KANK2: variants seen among roughly 807,000 people sequenced by gnomAD.
The protein encoded by KANK2 is KN motif and ankyrin repeat domains 2, also known as KN motif and ankyrin repeat domain-containing protein 2.
In KANK2, 41 loss-of-function variants were observed where a neutral mutation model predicts 74.6. That is an observed-to-expected ratio of 0.55 (90% CI 0.43 to 0.71). KANK2 has a LOEUF of 0.71. Among genes scored for constraint, KANK2 ranks in the 30% least tolerant of loss-of-function variants. The pLI, the probability that KANK2 is intolerant of heterozygous loss-of-function variation, is 0.00. For synonymous variants in KANK2, 537 were observed against 519.0 expected, an observed-to-expected ratio of 1.03 and a Z score of -0.47; for missense variants, 1,148 against 1,196.4, an observed-to-expected ratio of 0.96 and a Z score of 0.60.
rs1191093033 is a variant in KANK2 at position 11,164,969 on chromosome 19, G to A, written c.*1589C>T. 1 of 152,106 alleles carries A rather than the reference G, an allele frequency of 6.6e-6. No individual in the cohort carries two copies. The highest frequency in any genetic ancestry group is 2.4e-5 in the African/African-American group (1 of 41,376). The allele number at this position is 152,106 out of a possible 1,614,324, so 9.4% of individuals were successfully genotyped here. A position where few individuals can be genotyped will look rare whatever the true frequency, so the allele number is the denominator to read the frequency against. ...AAAGCCTTGGAGGCTGAGCTCACTG[G>A]CCTCGAAAGGGCAGCGCGCGTATTT... is the stretch of plus-strand genomic sequence containing the variant. On this transcript the variant is annotated 3_prime_UTR_variant, in exon 13 of 13. Transcript: ENST00000586659.
chr19:11,190,893 G>A (rs1329633013), intron 4 of KANK2, among the ~76,000 whole-genome samples: 2 of 151,692 alleles, frequency 1.3e-5, no homozygotes, highest in Non-Finnish European at 2.9e-5. Context: ...ACCACGCCCG[G>A]CTAATTTTTG....
chr19:11,172,909 G>T, intron 10 of KANK2, 72 bp downstream of exon 10: 1 of 1,539,356 alleles, frequency 6.5e-7, no homozygotes, highest in Non-Finnish European at 8.8e-7. Flanking sequence ...CTGGGTTTGG[G>T]CCTGTCACTC....
In KANK2 at chr19:11,192,932, T is replaced by A; in HGVS notation, c.1148A>T (p.Glu383Val). 6.2e-7 allele frequency: 1 copy of A among 1,614,126 alleles called. No individual in the cohort carries two copies. Among genetic ancestry groups the A allele is most frequent in the Non-Finnish European group, 8.5e-7 (1 of 1,179,998 alleles). ...CACTGGGCACATTGTCTCCACCACC[T>A]CCTGGCTGCGGAACACAGGTGGGCT... ...PESPPVFRSQEVVETMCPVPA... is the reference protein window; with the variant it reads ...PESPPVFRSQVVVETMCPVPA... Residue 383 changes from glutamate to valine, a missense_variant, in exon 4 of 13, where the codon GAG becomes GTG. By Grantham distance (121) the Glu-to-Val change is moderately radical. Coordinates refer to ENST00000586659, the MANE Select transcript of KANK2 (RefSeq NM_001136191.3).
intron 12 of KANK2, among the ~76,000 whole-genome samples, chr19:11,167,707 T>G (rs2078061360): frequency 6.6e-6 from 1 of 151,862 alleles, no homozygotes; most frequent in African/African-American, 2.4e-5. Flanking sequence ...TTTGTATTTT[T>G]AGTAGAGACA....
rs1600827940 is a variant in KANK2, at chr19:11,194,049, A to T, written c.38-7T>A. 6.3e-7 allele frequency: 1 copy of T among 1,595,436 alleles called. No homozygotes were observed. Among genetic ancestry groups the T allele is most frequent in the Non-Finnish European group, 8.5e-7 (1 of 1,170,338 alleles). On this transcript the variant is annotated splice_polypyrimidine_tract_variant and splice_region_variant and intron_variant, in intron 3 of 12. Transcript: ENST00000586659. ...GAGGCTGGGCCAGGGGTCCCTGGGG[A>T]TGGGAGAAACACCAGGACCTTTGAA...
chr19:11,169,767 C>T, intron 12 of KANK2, 110 bp downstream of exon 12: 2 of 922,486 alleles, frequency 2.2e-6, no homozygotes, highest in Non-Finnish European at 3.3e-6. Context: ...TGCCACCGCA[C>T]TCCACCCTGG....
Position 11,172,977 on chromosome 19 carries a change from A to G in KANK2, c.2211+4T>C. The G allele has an allele frequency of 1.2e-6, 2 of 1,612,820 alleles. No individual in the cohort carries two copies. The highest frequency in any genetic ancestry group is 2.2e-5 in the South Asian group (2 of 90,990). On this transcript the variant is annotated splice_donor_region_variant and intron_variant, in intron 10 of 12. Coordinates refer to ENST00000586659, the MANE Select transcript of KANK2 (RefSeq NM_001136191.3). ...TGGATCTGCAGCAGCCGGGGTCCCC[A>G]TACCTGGCTGGCTTTGGCATTGATG...
Position 11,193,710 on chromosome 19 carries a change from C to T in KANK2, c.370G>A (p.Val124Met). 6.2e-7 allele frequency: 1 copy of T among 1,612,090 alleles called. No individual in the cohort carries two copies. Among genetic ancestry groups the T allele is most frequent in the Non-Finnish European group, 8.5e-7 (1 of 1,179,524 alleles). The change falls in exon 4 of 13, where the codon GTG becomes ATG. Residue 124 changes from valine (V) to methionine (M), a missense_variant. By Grantham distance (21) the Val-to-Met change is conservative. Transcript: ENST00000586659. The surrounding 1 kb of genome is among the most constrained non-coding windows in gnomAD (Gnocchi z 9.6). ...LETRGGFNPR[V>M]ERTLLDARRR... ...CGGGCATCCAGCAGCGTGCGCTCCA[C>T]CCGCGGATTGAAGCCACCGCGGGTC...
chr19:11,185,736 C>G (rs2078655943), intron 4 of KANK2, among the ~76,000 whole-genome samples: 1 of 134,942 alleles, frequency 7.4e-6, no homozygotes, highest in African/African-American at 2.7e-5. Flanking sequence ...CCTATCAGAG[C>G]TATGCCAATG....
Position 11,174,677 on chromosome 19 carries a change from T to A in KANK2, c.1864A>T (p.Thr622Ser), listed in dbSNP as rs1182013113. 2 of 1,605,594 alleles carry A rather than the reference T, an allele frequency of 1.2e-6. No individual in the cohort carries two copies. The change falls in exon 9 of 13, where the codon ACA (threonine) becomes TCA (serine). Residue 622 changes from threonine to serine, a missense_variant. Physicochemically the swap from Thr to Ser is moderately conservative, Grantham distance 58. Transcript: ENST00000586659. ...AGGCGCAGCCACTCCTGCAGCACTG[T>A]GGTGTAGGCCACTTTCTGCATGCGA... ...TERELKVAYT[T>S]VLQEWLRLAC...
At chr19:11,183,813 G>A (rs776198349) in intron 4 of KANK2, among the ~76,000 whole-genome samples, 1 of 152,008 alleles carries the variant, frequency 6.6e-6, no homozygotes, top group African/African-American at 2.4e-5. Flanking sequence ...ACCATGCCCA[G>A]CTAATTTTTT....
rs764379184 is a variant in KANK2, at chr19:11,166,278, C to T, written c.*280G>A. 1.2e-5 allele frequency: 4 copies of T among 339,884 alleles called. No homozygotes were observed. The highest frequency in any genetic ancestry group is 2.1e-5 in the Non-Finnish European group (4 of 187,858). The allele number at this position is 339,884 out of a possible 1,614,324, so 21.1% of individuals were successfully genotyped here. ...TTGTTCTCAATGTTCTTCATAAAACCCACACCCCAGCATCAGCCCTGGCGC... is the reference window on the plus strand; with the variant it reads ...TTGTTCTCAATGTTCTTCATAAAACTCACACCCCAGCATCAGCCCTGGCGC... On this transcript the variant is annotated 3_prime_UTR_variant, in exon 13 of 13. Transcript: ENST00000586659.
Position 11,166,494 on chromosome 19 carries a change from A to T in KANK2, c.*64T>A. 1 of 1,470,954 alleles carries T rather than the reference A, an allele frequency of 6.8e-7. No homozygotes were observed. Among genetic ancestry groups the T allele is most frequent in the Non-Finnish European group, 9.5e-7 (1 of 1,050,480 alleles). The allele number at this position is 1,470,954 out of a possible 1,614,324, so 91.1% of individuals were successfully genotyped here. The stretch of plus-strand genomic sequence containing the variant: ...GGGTGGGCCAGGGAGGAACGGGAAC[A>T]GGGAGGAGACGGGGACAAGGGACGG... On this transcript the variant is annotated 3_prime_UTR_variant, in exon 13 of 13. Coordinates refer to ENST00000586659, the MANE Select transcript of KANK2 (RefSeq NM_001136191.3).
At position 11,166,383 on chromosome 19, in the gene KANK2, G is replaced by A. The variant is rs2078022561; in HGVS notation, c.*175C>T. The stretch of plus-strand genomic sequence containing the variant: ...AGCCAAGAAAACCCACTTGGAGCTG[G>A]AGTCCTGTGGCCGTCGGGGCTCCCC... On this transcript the variant is annotated 3_prime_UTR_variant, in exon 13 of 13. Transcript: ENST00000586659. 3.3e-6 allele frequency: 2 copies of A among 611,932 alleles called. No homozygotes were observed. Among genetic ancestry groups the A allele is most frequent in the African/African-American group, 3.7e-5 (2 of 54,028 alleles). The allele number at this position is 611,932 out of a possible 1,614,324, so 37.9% of individuals were successfully genotyped here. A position where few individuals can be genotyped will look rare whatever the true frequency, so the allele number is the denominator to read the frequency against.
chr19:11,168,529 G>A lies in KANK2; in HGVS notation c.2502+1348C>T, dbSNP rs553039798. The stretch of plus-strand genomic sequence containing the variant: ...TGGGTTCAAGCAATCCTTCCATCTC[G>A]GCCCCACAAGGTGCTGGGATTACAG... On this transcript the variant is annotated intron_variant, in intron 12 of 12. Coordinates refer to ENST00000586659, the MANE Select transcript of KANK2 (RefSeq NM_001136191.3). Among the ~76,000 whole-genome samples the A allele has an allele frequency of 3.9e-5, 6 of 151,996 alleles. No individual in the cohort carries two copies. In the South Asian group the frequency reaches 6.2e-4, roughly 16 times the overall value.
Position 11,187,820 on chromosome 19 carries a change from G to A in KANK2, c.1249+5011C>T, listed in dbSNP as rs564582618. Among the ~76,000 whole-genome samples the A allele has an allele frequency of 2.0e-5, 3 of 152,234 alleles. No homozygotes were observed. The South Asian group carries it at 6.2e-4, about 32-fold the overall frequency. ...AAATCAGAAAAAGCTGGGCACGGTGGCACACGCCTGCAATCCCAGCTATTT... is the reference window on the plus strand; with the variant it reads ...AAATCAGAAAAAGCTGGGCACGGTGACACACGCCTGCAATCCCAGCTATTT... On this transcript the variant is annotated intron_variant, in intron 4 of 12. Coordinates refer to ENST00000586659, the MANE Select transcript of KANK2 (RefSeq NM_001136191.3).
At chr19:11,175,441 AAAAAAAAAAAAAAAAG>A (rs1269586494) in intron 8 of KANK2, among the ~76,000 whole-genome samples, 15 of 150,520 alleles carry the variant, frequency 1.0e-4, no homozygotes, top group African/African-American at 3.7e-4. Context: ...AAAAAAAAAA[AAAAAAAAAAAAAAAAG>A]AATTTTTTTG....
In KANK2 at chr19:11,176,583, C is replaced by T. The variant is rs199725177; in HGVS notation, c.1755G>A (p.Glu585=). ...CTCCTACCCAGAAAACTGACCTGAT[C>T]TCCTCCTCCGTGTTTGATCCTGATG... is the stretch of plus-strand genomic sequence containing the variant. ...EGASGSNTEE[E]IRMELSPDLI... The change falls in exon 7 of 13, where the codon GAG becomes GAA. Residue 585 remains glutamate (E), a synonymous_variant. Coordinates refer to ENST00000586659, the MANE Select transcript of KANK2 (RefSeq NM_001136191.3). 153 of 1,580,922 alleles carry T rather than the reference C, an allele frequency of 9.7e-5. No individual in the cohort carries two copies. In the Admixed American group the frequency reaches 2.7e-3, roughly 28 times the overall value.
chr19:11,188,460 C>T (rs1054891771), intron 4 of KANK2, among the ~76,000 whole-genome samples: 2 of 151,218 alleles, frequency 1.3e-5, no homozygotes, highest in African/African-American at 4.9e-5. Context: ...CCACTTTGGC[C>T]TCCCAAAGTT....
Sources: gnomAD v4.1 joint callset for allele counts (sites outside exome capture counted in the v4.1 genomes callset) on GRCh38, gnomAD v4.1.1 for gene constraint, Gnocchi (gnomAD v3.1) non-coding constraint, MANE v1.5 for transcripts, NCBI Gene and HGNC (gene_info 2026-07-23, HGNC 2026-07-21) for gene names.